The following ADCY5 variants were observed in gnomAD, a reference collection of about 807,000 sequenced individuals.
The protein encoded by ADCY5 is adenylate cyclase 5, also known as adenylate cyclase type 5.
Under a neutral mutation model 119.7 loss-of-function variants are expected in ADCY5, and 30 were observed. The ratio of observed to expected loss-of-function variants is 0.25; its 90% CI spans 0.19 to 0.34. The LOEUF (loss-of-function observed/expected upper bound fraction) is 0.34. Among genes scored for constraint, ADCY5 ranks in the 10% least tolerant of loss-of-function variants. The pLI is 1.00. For synonymous variants in ADCY5, 753 were observed against 762.2 expected, an observed-to-expected ratio of 0.99 and a Z score of 0.20; for missense variants, 1,324 against 1,775.2, an observed-to-expected ratio of 0.75 and a Z score of 4.57.
In ADCY5 at chr3:123,325,311, C is replaced by T. The variant is rs1205834320; in HGVS notation, c.2088+11G>A. The T allele has an allele frequency of 6.2e-7, 1 of 1,613,754 alleles. No individual in the cohort carries two copies. The highest frequency in any genetic ancestry group is 2.2e-5 in the East Asian group (1 of 44,862). ...GAGTGTTGCCCACAGGCTGCCCCAC[C>T]AGCCACTCACCATCCGCTTCATCTC... On this transcript the variant is annotated intron_variant, in intron 8 of 20. Coordinates refer to ENST00000462833, the MANE Select transcript of ADCY5 (RefSeq NM_183357.3).
chr3:123,308,468 C>A (rs1025364109), intron 12 of ADCY5, among the ~76,000 whole-genome samples: 7 of 152,192 alleles, frequency 4.6e-5, no homozygotes, highest in African/African-American at 1.7e-4. Flanking sequence ...AGTGTCTCAT[C>A]TCCTATAATT....
At chr3:123,357,796 C>T (rs1287959668) in intron 1 of ADCY5, among the ~76,000 whole-genome samples, 2 of 152,146 alleles carry the variant, frequency 1.3e-5, no homozygotes, top group Non-Finnish European at 2.9e-5. Flanking sequence ...GCAGATGCTC[C>T]GCTTATGAAT....
chr3:123,330,930 G>C lies in ADCY5; in HGVS notation c.1605C>G (p.His535Gln). Residue 535 changes from histidine (H) to glutamine (Q), a missense_variant, in exon 5 of 21, where the codon CAC (histidine) becomes CAG (glutamine). His to Gln is a conservative substitution (Grantham distance 24). This residue lies in a region of ADCY5 where 123 missense variants were observed against 287.9 expected (regional missense o/e 0.43). Transcript: ENST00000462833. ...GLPEARADHA[H>Q]CCVEMGMDMI... ...TGTCCATGCCCATCTCCACACAGCA[G>C]TGGGCGTGGTCAGCCCTTGCTTCAG... 1 of 1,614,026 alleles carries C rather than the reference G, an allele frequency of 6.2e-7. No individual in the cohort carries two copies. Among genetic ancestry groups the C allele is most frequent in the Non-Finnish European group, 8.5e-7 (1 of 1,179,944 alleles).
chr3:123,375,040 C>T (rs6794202), intron 1 of ADCY5, among the ~76,000 whole-genome samples: 27,961 of 152,192 alleles, frequency 0.18, 3,067 homozygotes, highest in Admixed American at 0.27. Context: ...ACAAATTACC[C>T]TCCAGAGGAA....
intron 1 of ADCY5, among the ~76,000 whole-genome samples, chr3:123,392,255 CTTT>C (rs1278057548): frequency 6.6e-6 from 1 of 152,152 alleles, no homozygotes; most frequent in Admixed American, 6.5e-5. Flanking sequence ...CTCCTTTATA[CTTT>C]TTTAACTTTC....
At chr3:123,367,067 G>A (rs984429157) in intron 1 of ADCY5, among the ~76,000 whole-genome samples, 2 of 152,238 alleles carry the variant, frequency 1.3e-5, no homozygotes, top group Non-Finnish European at 2.9e-5. Flanking sequence ...ATAAGCTACA[G>A]CTTTAAGAAG....
In ADCY5 at chr3:123,387,087, C is replaced by T. The variant is rs79082573; in HGVS notation, c.1135-34506G>A. On this transcript the variant is annotated intron_variant, in intron 1 of 20. Coordinates refer to ENST00000462833, the MANE Select transcript of ADCY5 (RefSeq NM_183357.3). ...ATTCAACAAAAACTGATTAAATTAC[C>T]GGGTTCAAGGCTGCGTCCCTATAAT... is the stretch of plus-strand genomic sequence containing the variant. Among the ~76,000 whole-genome samples the T allele has an allele frequency of 3.3e-3, 500 of 152,264 alleles. 3 individuals carry two copies. Among genetic ancestry groups the T allele is most frequent in the Middle Eastern group, 6.8e-3 (2 of 294 alleles).
At position 123,304,112 on chromosome 3, in the gene ADCY5, C is replaced by A. The variant is rs776040270; in HGVS notation, c.2514G>T (p.Gly838=). The change falls in exon 13 of 21, where the codon GGG becomes GGT. Residue 838 remains glycine (G), a synonymous_variant. Transcript: ENST00000462833. ...VRSKMNSTLV[G]VFTITLVFLA... ...GGAACACCAGGGTGATGGTGAACAC[C>A]CCAACCAGGGTGCTGTTCATCTTGG... The A allele has an allele frequency of 1.3e-5, 21 of 1,613,802 alleles. No individual in the cohort carries two copies. Among genetic ancestry groups the A allele is most frequent in the South Asian group, 2.2e-5 (2 of 91,066 alleles).
At chr3:123,426,314 G>T (rs28463650) in intron 1 of ADCY5, among the ~76,000 whole-genome samples, 24,542 of 140,678 alleles carry the variant, frequency 0.17, 2,462 homozygotes, top group Admixed American at 0.26. Flanking sequence ...TTTTTTGTTT[G>T]TTTTTGTTTG....
chr3:123,394,444 A>C (rs1255737955), intron 1 of ADCY5, among the ~76,000 whole-genome samples: 2 of 152,234 alleles, frequency 1.3e-5, no homozygotes, highest in African/African-American at 4.8e-5. Context: ...AGTAGCTGTC[A>C]CTTAGACTCC....
At chr3:123,313,581 AC>A (rs1940708603) in intron 12 of ADCY5, among the ~76,000 whole-genome samples, 1 of 152,196 alleles carries the variant, frequency 6.6e-6, no homozygotes, top group African/African-American at 2.4e-5. Context: ...GCAAACAGGA[AC>A]ATAAGTGGTT....
intron 1 of ADCY5, chr3:123,416,095 T>A (rs1350509628): frequency 2.1e-6 from 3 of 1,428,238 alleles, no homozygotes; most frequent in African/African-American, 2.8e-5. Context: ...CCAGGTGAGG[T>A]GTCCAAGAAG....
chr3:123,300,294 T>A lies in ADCY5; in HGVS notation c.2726A>T (p.Tyr909Phe). 3 of 1,613,052 alleles carry A rather than the reference T, an allele frequency of 1.9e-6. No homozygotes were observed. Among genetic ancestry groups the A allele is most frequent in the Non-Finnish European group, 2.5e-6 (3 of 1,179,964 alleles). The change falls in exon 15 of 21, where the codon TAC (tyrosine) becomes TTC (phenylalanine). Residue 909 changes from tyrosine (Y) to phenylalanine (F), a missense_variant and splice_region_variant. Tyr to Phe is a conservative substitution (Grantham distance 22). This residue lies in a region of ADCY5 where 424 missense variants were observed against 546.8 expected (regional missense o/e 0.78). Coordinates refer to ENST00000462833, the MANE Select transcript of ADCY5 (RefSeq NM_183357.3). ...SPWPNCNFPEYFTYSVLLSLL... is the reference protein window; with the variant it reads ...SPWPNCNFPEFFTYSVLLSLL... ...GCTGAGCAGCACGCTGTAGGTGAAG[T>A]ACTGCGGGCAGAGGGCAGCAGCATC...
Position 123,448,004 on chromosome 3 carries a change from C to T in ADCY5, c.542G>A (p.Gly181Asp). 2 of 1,295,694 alleles carry T rather than the reference C, an allele frequency of 1.5e-6. No homozygotes were observed. The highest frequency in any genetic ancestry group is 5.3e-5 in the South Asian group (2 of 37,758). The allele number at this position is 1,295,694 out of a possible 1,614,324, so 80.3% of individuals were successfully genotyped here. A position where few individuals can be genotyped will look rare whatever the true frequency, so the allele number is the denominator to read the frequency against. The change falls in exon 1 of 21, where the codon GGC becomes GAC. Residue 181 changes from glycine (G) to aspartate (D), a missense_variant. Physicochemically the swap from Gly to Asp is moderately conservative, Grantham distance 94 (BLOSUM62 -1). Coordinates refer to ENST00000462833, the MANE Select transcript of ADCY5 (RefSeq NM_183357.3). Reference sequence around the variant, plus strand: ...GCTGCCGCCATCCCCGGACCCCTCGCCGCCCTCGACGGCGCCGGCCTCCAG... The same window carrying T: ...GCTGCCGCCATCCCCGGACCCCTCGTCGCCCTCGACGGCGCCGGCCTCCAG... ...DELEAGAVEGGEGSGDGGSSA... is the reference protein window; with the variant it reads ...DELEAGAVEGDEGSGDGGSSA...
At position 123,448,374 on chromosome 3, in the gene ADCY5, C is replaced by T; in HGVS notation, c.172G>A (p.Gly58Arg). The T allele has an allele frequency of 6.7e-7, 1 of 1,482,814 alleles. No individual in the cohort carries two copies. The highest frequency in any genetic ancestry group is 8.9e-7 in the Non-Finnish European group (1 of 1,127,656). 91.9% of individuals were successfully genotyped at this position (1,482,814 alleles called of 1,614,324 possible). Residue 58 changes from glycine (G) to arginine (R), a missense_variant, in exon 1 of 21, where the codon GGG becomes AGG. By Grantham distance (125) the Gly-to-Arg change is moderately radical. Around this residue, in one of 6 missense-constraint regions of ADCY5, gnomAD observed 585 missense variants for 569.9 expected, o/e 1.03. Transcript: ENST00000462833. ...GSARGSTKKP[G>R]GAVTPQQQQR... ...TGCTGCTGCGGGGTCACCGCCCCCC[C>T]GGGTTTCTTGGTGGAGCCGCGGGCA...
At chr3:123,285,552 G>C (rs1576517753) in intron 20 of ADCY5, among the ~76,000 whole-genome samples, 1 of 152,344 alleles carries the variant, frequency 6.6e-6, no homozygotes, top group Admixed American at 6.5e-5. Flanking sequence ...GCCCACCAGT[G>C]AGTGCAAGTG....
At chr3:123,347,985 C>T in intron 2 of ADCY5, 82 bp from the exon 3 acceptor site, 1 of 1,553,892 alleles carries the variant, frequency 6.4e-7, no homozygotes, top group East Asian at 2.3e-5. Context: ...TGTGCCCCTG[C>T]CTGAGGGCCC....
intron 2 of ADCY5, among the ~76,000 whole-genome samples, chr3:123,351,647 G>A (rs1942841648): frequency 6.6e-6 from 1 of 152,150 alleles, no homozygotes; most frequent in East Asian, 1.9e-4. Flanking sequence ...GGCCTCCCAT[G>A]TGTGAGCCAT....
At chr3:123,378,532 G>C (rs1318350438) in intron 1 of ADCY5, among the ~76,000 whole-genome samples, 1 of 152,172 alleles carries the variant, frequency 6.6e-6, no homozygotes, top group Non-Finnish European at 1.5e-5. Context: ...GGAGGGAGGC[G>C]ATGACTGAGC....
Sources: allele counts gnomAD v4.1 joint callset (sites outside exome capture counted in the v4.1 genomes callset), GRCh38; gene constraint gnomAD v4.1.1; regional missense constraint gnomAD v4.1.1; transcripts MANE v1.5; gene names NCBI Gene and HGNC (gene_info 2026-07-23, HGNC 2026-07-21).